TRAPPC8: variants seen among roughly 807,000 people sequenced by gnomAD.
TRAPPC8 encodes the protein general sporulation gene 1 homolog.
In TRAPPC8, 54 loss-of-function variants were observed where a neutral mutation model predicts 174.3. The ratio of observed to expected loss-of-function variants is 0.31; its 90% confidence interval spans 0.25 to 0.39. The LOEUF is 0.39. Among genes scored for constraint, TRAPPC8 ranks in the 10% least tolerant of loss-of-function variants. The probability of loss-of-function intolerance (pLI) is 1.00; values close to 1 mark genes in which losing one functional copy is unlikely to be tolerated. For synonymous variants in TRAPPC8, 630 were observed against 579.9 expected (o/e 1.09, Z -1.24); for missense variants, 1,531 against 1,699.1 (o/e 0.90, Z 1.74).
At chr18:31,919,078 T>C (rs774255405) in intron 2 of TRAPPC8, among the ~76,000 whole-genome samples, 3 of 152,170 alleles carry the variant, frequency 2.0e-5, no homozygotes, top group African/African-American at 4.8e-5. Flanking sequence ...CATTCTAACC[T>C]GGTGCCAAAT....
At chr18:31,850,281 C>T (rs780456775) in intron 24 of TRAPPC8, among the ~76,000 whole-genome samples, 1 of 152,038 alleles carries the variant, frequency 6.6e-6, no homozygotes, top group African/African-American at 2.4e-5. Context: ...AAGCCGTCAC[C>T]CCAAAATAAT....
rs750624793 is a variant in TRAPPC8 at position 31,942,775 on chromosome 18, C to G, written c.-11G>C. On this transcript the variant is annotated 5_prime_UTR_variant, in exon 1 of 29. Transcript: ENST00000283351. ...TACACACTGGGCCATCGCCGCAGCA[C>G]AGGCAGCGGCGGCGCCCGCCCTCCG... 5 of 1,424,190 alleles carry G rather than the reference C, an allele frequency of 3.5e-6. No homozygotes were observed. The highest frequency in any genetic ancestry group is 3.7e-6 in the Non-Finnish European group (4 of 1,080,204). The allele number at this position is 1,424,190 out of a possible 1,614,324, so 88.2% of individuals were successfully genotyped here.
At chr18:31,851,741 T>C (rs908022917) in intron 24 of TRAPPC8, among the ~76,000 whole-genome samples, 6 of 152,156 alleles carry the variant, frequency 3.9e-5, no homozygotes, top group Admixed American at 6.5e-5. Context: ...GAGTCTTATG[T>C]ATCTACCTTA....
At chr18:31,939,652 C>T (rs2038246782) in intron 1 of TRAPPC8, 1 of 152,090 alleles carries the variant, frequency 6.6e-6, no homozygotes, top group Non-Finnish European at 1.5e-5. Flanking sequence ...CGCAGTGGTC[C>T]GAGACGAGCC....
chr18:31,900,670 C>T (rs2036381023), intron 10 of TRAPPC8, among the ~76,000 whole-genome samples: 2 of 152,108 alleles, frequency 1.3e-5, no homozygotes, highest in Admixed American at 1.3e-4. Flanking sequence ...CAGTTTAAAG[C>T]TAGAAATGTC....
At chr18:31,834,015 A>AC (rs1274867639) in intron 27 of TRAPPC8, among the ~76,000 whole-genome samples, 1 of 149,080 alleles carries the variant, frequency 6.7e-6, no homozygotes, top group Non-Finnish European at 1.5e-5. Context: ...AAAAAAAAAC[A>AC]AAAAACAGAA....
chr18:31,925,224 T>A (rs2037560895), intron 2 of TRAPPC8, among the ~76,000 whole-genome samples: 5 of 140,556 alleles, frequency 3.6e-5, no homozygotes, highest in East Asian at 2.2e-4. Context: ...TCAAAACAAA[T>A]AAAAATAATA....
rs2033605066 is a variant in TRAPPC8, at chr18:31,849,673, G to T, written c.3628C>A (p.Pro1210Thr). Residue 1210 changes from proline (P) to threonine (T), a missense_variant, in exon 25 of 29, where the codon CCA becomes ACA. Transcript: ENST00000283351. The stretch of plus-strand genomic sequence containing the variant: ...GTATGCACAGGCAAGTGAGCTTGTG[G>T]TTTTTTCAATTCAGAAGATAAACTT... ...YRSLSSELKK[P>T]QAHLPVHTEK... 5 of 1,612,166 alleles carry T rather than the reference G, an allele frequency of 3.1e-6. No homozygotes were observed. The highest frequency in any genetic ancestry group is 4.2e-6 in the Non-Finnish European group (5 of 1,179,196).
At chr18:31,911,645 A>G (rs1422367318) in intron 5 of TRAPPC8, among the ~76,000 whole-genome samples, 1 of 149,634 alleles carries the variant, frequency 6.7e-6, no homozygotes, top group African/African-American at 2.5e-5. Context: ...AAGCTGAGGC[A>G]TGAGAATAAT....
chr18:31,840,567 A>G (rs1000157752), intron 26 of TRAPPC8, among the ~76,000 whole-genome samples: 6 of 152,214 alleles, frequency 3.9e-5, no homozygotes, highest in African/African-American at 1.4e-4. Context: ...CTATACCAGC[A>G]ATTGGCAAAC....
intron 2 of TRAPPC8, among the ~76,000 whole-genome samples, chr18:31,928,236 C>T (rs1038568473): frequency 2.0e-5 from 3 of 151,366 alleles, no homozygotes; most frequent in Non-Finnish European, 2.9e-5. Flanking sequence ...CAGTGGCTCA[C>T]AACTGTAATC....
chr18:31,928,336 TAC>T (rs34570497), intron 2 of TRAPPC8, among the ~76,000 whole-genome samples: 9,210 of 142,750 alleles, frequency 0.065, 794 homozygotes, highest in African/African-American at 0.2. Context: ...ACCTTATCTC[TAC>T]ACACACACAC....
chr18:31,867,606 C>G, intron 16 of TRAPPC8, 130 bp from the exon 17 acceptor site: 1 of 650,052 alleles, frequency 1.5e-6, no homozygotes, highest in South Asian at 2.1e-5. Flanking sequence ...TTACCACATG[C>G]TGAGCTCTAC....
intron 1 of TRAPPC8, among the ~76,000 whole-genome samples, chr18:31,938,907 C>T (rs1021295925): frequency 6.6e-6 from 1 of 151,962 alleles, no homozygotes; most frequent in African/African-American, 2.4e-5. Flanking sequence ...TGGTGAAACC[C>T]CATCTCTACC....
At chr18:31,916,592 G>A (rs2037156716) in intron 3 of TRAPPC8, 146 bp from the exon 4 acceptor site, 1 of 742,734 alleles carries the variant, frequency 1.3e-6, no homozygotes, top group Non-Finnish European at 2.0e-6. Context: ...GAGAGCAGTG[G>A]CGTGATCTCG....
intron 19 of TRAPPC8, among the ~76,000 whole-genome samples, chr18:31,863,323 A>T (rs2034427224): frequency 6.6e-6 from 1 of 152,160 alleles, no homozygotes; most frequent in Non-Finnish European, 1.5e-5. Context: ...TGTATTGCGA[A>T]ATTTAAAATT....
At position 31,908,400 on chromosome 18, in the gene TRAPPC8, A is replaced by T. The variant is rs1231072769; in HGVS notation, c.1141T>A (p.Leu381Met). 4 of 1,591,794 alleles carry T rather than the reference A, an allele frequency of 2.5e-6. No homozygotes were observed. Among genetic ancestry groups the T allele is most frequent in the Non-Finnish European group, 3.4e-6 (4 of 1,169,836 alleles). The stretch of plus-strand genomic sequence containing the variant: ...GTTGCAGAAAATAGAGATCGACTCA[A>T]ACCTTTTCTTGATATTAGCTTTAAA... ...LNDQLISRKG[L>M]SRSLFSATKK... is the part of the protein sequence containing the mutation. Residue 381 changes from leucine (L) to methionine (M), a missense_variant, in exon 8 of 29, where the codon TTG becomes ATG. Transcript: ENST00000283351.
chr18:31,839,554 G>GTTTTATTGAAACGC, intron 26 of TRAPPC8, 97 bp from the exon 27 acceptor site: 1 of 1,162,418 alleles, frequency 8.6e-7, no homozygotes, highest in Non-Finnish European at 1.2e-6. Context: ...AAAATCAGCA[G>GTTTTATTGAAACGC]AGATAATGTA....
At chr18:31,846,939 G>T in intron 25 of TRAPPC8, 122 bp from the exon 26 acceptor site, 4 of 553,342 alleles carry the variant, frequency 7.2e-6, no homozygotes, top group Admixed American at 6.3e-5. Flanking sequence ...TGACACTCCT[G>T]GCAATGTCAC....
Sources: gnomAD v4.1 joint callset for allele counts (sites outside exome capture counted in the v4.1 genomes callset) on GRCh38, gnomAD v4.1.1 for gene constraint, MANE v1.5 for transcripts, NCBI Gene and HGNC (gene_info 2026-07-23, HGNC 2026-07-21) for gene names.